CNTNAP2: variants seen among roughly 807,000 people sequenced by gnomAD.
CNTNAP2 encodes the protein contactin associated protein 2.
Under a neutral mutation model 155.2 loss-of-function variants are expected in CNTNAP2, and 98 were observed. The ratio of observed to expected loss-of-function variants is 0.63; its 90% CI spans 0.54 to 0.75. The LOEUF (loss-of-function observed/expected upper bound fraction) is 0.75, where lower values mean the gene tolerates loss of function less well. Ranked by LOEUF, CNTNAP2 falls within the 30% of genes least tolerant of loss-of-function variation. CNTNAP2 has a pLI of 0.00. For synonymous variants in CNTNAP2, 651 were observed against 631.2 expected (o/e 1.03, Z -0.47); for missense variants, 1,727 against 1,688.1 (o/e 1.02, Z -0.40).
chr7:146,609,908 T>G (rs1432651554), intron 1 of CNTNAP2, among the ~76,000 whole-genome samples: 1 of 152,114 alleles, frequency 6.6e-6, no homozygotes, highest in Non-Finnish European at 1.5e-5. Flanking sequence ...AGAAACATCA[T>G]CACCTGAGTA....
At chr7:148,264,802 C>T (rs1796638013) in intron 20 of CNTNAP2, among the ~76,000 whole-genome samples, 1 of 152,110 alleles carries the variant, frequency 6.6e-6, no homozygotes, top group African/African-American at 2.4e-5. Flanking sequence ...TCAAGCCATT[C>T]CCATGCTACA....
chr7:146,717,887 G>A (rs1801218871), intron 1 of CNTNAP2, among the ~76,000 whole-genome samples: 1 of 151,388 alleles, frequency 6.6e-6, no homozygotes, highest in Non-Finnish European at 1.5e-5. Context: ...ATTTGTGTTA[G>A]CATTTTGTTC....
chr7:146,492,280 A>T (rs1449419297), intron 1 of CNTNAP2, among the ~76,000 whole-genome samples: 1 of 152,010 alleles, frequency 6.6e-6, no homozygotes, highest in Non-Finnish European at 1.5e-5. Flanking sequence ...AGAAAGCATG[A>T]GTAACTAATA....
In CNTNAP2 at chr7:148,268,599, G is replaced by A. The variant is rs192057471; in HGVS notation, c.3475+1473G>A. On this transcript the variant is annotated intron_variant, in intron 21 of 23. Coordinates refer to ENST00000361727, the MANE Select transcript of CNTNAP2 (RefSeq NM_014141.6). The stretch of plus-strand genomic sequence containing the variant: ...GAACCCGGGAGGCGGAGCTTACAGT[G>A]AGCCGAGATCACGCCACTGCACCCC... Among the ~76,000 whole-genome samples the A allele has an allele frequency of 2.1e-3, 323 of 152,122 alleles. 2 individuals are homozygous for A. Among genetic ancestry groups the A allele is most frequent in the African/African-American group, 7.6e-3 (314 of 41,508 alleles).
At chr7:147,268,675 AAT>A (rs996811623) in intron 8 of CNTNAP2, among the ~76,000 whole-genome samples, 3 of 152,210 alleles carry the variant, frequency 2.0e-5, no homozygotes, top group African/African-American at 7.2e-5. Context: ...TAATAAAAAA[AAT>A]AATGGAGATA....
At chr7:147,705,968 A>G (rs149087354) in intron 13 of CNTNAP2, among the ~76,000 whole-genome samples, 5 of 152,074 alleles carry the variant, frequency 3.3e-5, no homozygotes, top group Non-Finnish European at 7.4e-5. Flanking sequence ...TGTGGGTGGA[A>G]GAGAGTTGGC....
intron 15 of CNTNAP2, among the ~76,000 whole-genome samples, chr7:148,062,540 T>C (rs1803177336): frequency 6.6e-6 from 1 of 152,162 alleles, no homozygotes; most frequent in African/African-American, 2.4e-5. Flanking sequence ...AAAACTTGAT[T>C]GACATAAAGT....
intron 1 of CNTNAP2, among the ~76,000 whole-genome samples, chr7:146,313,975 T>A (rs115452538): frequency 1.3e-5 from 2 of 152,152 alleles, no homozygotes; most frequent in East Asian, 3.9e-4. Flanking sequence ...CTCCGGTCTG[T>A]ATGAAAGAAA....
chr7:146,670,843 G>A (rs1044614096), intron 1 of CNTNAP2, among the ~76,000 whole-genome samples: 12 of 152,122 alleles, frequency 7.9e-5, no homozygotes, highest in Non-Finnish European at 1.2e-4. Flanking sequence ...GCTTTGCTCC[G>A]CCCAGTCTGG....
intron 1 of CNTNAP2, among the ~76,000 whole-genome samples, chr7:146,445,175 T>C (rs1287560598): frequency 6.6e-6 from 1 of 152,204 alleles, no homozygotes; most frequent in South Asian, 2.1e-4. Flanking sequence ...ATCCTCTCCA[T>C]GTGGCCAAAG....
chr7:146,337,033 A>G (rs1347180661), intron 1 of CNTNAP2, among the ~76,000 whole-genome samples: 2 of 152,190 alleles, frequency 1.3e-5, no homozygotes, highest in African/African-American at 4.8e-5. Flanking sequence ...GATATAAACT[A>G]TATACATATA....
At chr7:147,569,336 G>A (rs887836912) in intron 12 of CNTNAP2, among the ~76,000 whole-genome samples, 1 of 151,948 alleles carries the variant, frequency 6.6e-6, no homozygotes, top group Admixed American at 6.6e-5. Context: ...CCAGTGGAGA[G>A]TATCATAAAC....
chr7:147,454,577 C>A (rs1043262742), intron 10 of CNTNAP2, among the ~76,000 whole-genome samples: 1 of 152,138 alleles, frequency 6.6e-6, no homozygotes, highest in Admixed American at 6.5e-5. Context: ...TTCAAGGATA[C>A]AATAAAATTT....
intron 13 of CNTNAP2, chr7:147,896,937 G>A (rs1488218601): frequency 6.6e-6 from 1 of 152,186 alleles, no homozygotes; most frequent in Admixed American, 6.5e-5. Context: ...CAGCAAGGAG[G>A]TTAGAAGCAA....
intron 21 of CNTNAP2, among the ~76,000 whole-genome samples, chr7:148,276,846 G>A (rs1178503064): frequency 6.6e-6 from 1 of 152,238 alleles, no homozygotes; most frequent in Non-Finnish European, 1.5e-5. Flanking sequence ...TCACAGAATT[G>A]CACATTGTAA....
At chr7:147,752,714 A>G (rs958383075) in intron 13 of CNTNAP2, among the ~76,000 whole-genome samples, 9 of 152,180 alleles carry the variant, frequency 5.9e-5, no homozygotes, top group African/African-American at 2.2e-4. Context: ...TCCAGATGTG[A>G]TCATAGCGTC....
chr7:147,780,478 C>T (rs1797646866), intron 13 of CNTNAP2, among the ~76,000 whole-genome samples: 1 of 152,172 alleles, frequency 6.6e-6, no homozygotes, highest in South Asian at 2.1e-4. Flanking sequence ...CTACATCTAG[C>T]CACAGAAAAT....
intron 1 of CNTNAP2, among the ~76,000 whole-genome samples, chr7:146,721,617 T>TATTCTATATAC (rs1801321142): frequency 5.1e-5 from 5 of 97,992 alleles, no homozygotes; most frequent in African/African-American, 3.0e-4. Context: ...TCTATATATA[T>TATTCTATATAC]ATTCTATATA....
At chr7:147,786,382 G>T (rs939885623) in intron 13 of CNTNAP2, among the ~76,000 whole-genome samples, 1 of 152,220 alleles carries the variant, frequency 6.6e-6, no homozygotes, top group African/African-American at 2.4e-5. Context: ...GGTCTGGGAG[G>T]TTGGAGATGA....
Sources: allele counts gnomAD v4.1 joint callset (sites outside exome capture counted in the v4.1 genomes callset), GRCh38; gene constraint gnomAD v4.1.1; transcripts MANE v1.5; gene names NCBI Gene and HGNC (gene_info 2026-07-23, HGNC 2026-07-21).